The following PKP4 variants were observed in gnomAD, a reference collection of about 807,000 sequenced individuals.
The protein encoded by PKP4 is plakophilin 4.
PKP4 carries 90 observed loss-of-function variants against 145.1 expected under a neutral mutation model. The ratio of observed to expected loss-of-function variants is 0.62; its 90% CI spans 0.52 to 0.74. The LOEUF (loss-of-function observed/expected upper bound fraction) is 0.74. PKP4 is among the 30% of genes least tolerant of loss of function. The probability of loss-of-function intolerance (pLI) is 0.00; values close to 1 mark genes in which losing one functional copy is unlikely to be tolerated. For missense variants in PKP4, 1,340 were observed against 1,482.7 expected, an observed-to-expected ratio of 0.90 and a Z score of 1.58; for synonymous variants, 563 against 577.2, an observed-to-expected ratio of 0.98 and a Z score of 0.35.
At chr2:158,585,977 T>TG (rs1187951727) in intron 3 of PKP4, among the ~76,000 whole-genome samples, 1 of 151,936 alleles carries the variant, frequency 6.6e-6, no homozygotes, top group Non-Finnish European at 1.5e-5. Context: ...TCTGTATCTA[T>TG]GGATTTGCCT....
chr2:158,616,516 G>A (rs145990942), intron 4 of PKP4, among the ~76,000 whole-genome samples: 1 of 152,166 alleles, frequency 6.6e-6, no homozygotes, highest in African/African-American at 2.4e-5. Context: ...GGGTATGACA[G>A]CCTAACCTCA....
At chr2:158,582,128 A>C (rs2048380217) in intron 3 of PKP4, among the ~76,000 whole-genome samples, 1 of 152,176 alleles carries the variant, frequency 6.6e-6, no homozygotes, top group Non-Finnish European at 1.5e-5. Flanking sequence ...CATTTGTACC[A>C]AGTACACTAA....
chr2:158,604,832 A>G (rs2050521771), intron 4 of PKP4, among the ~76,000 whole-genome samples: 1 of 152,232 alleles, frequency 6.6e-6, no homozygotes, highest in Non-Finnish European at 1.5e-5. Flanking sequence ...AGGTCCATGC[A>G]TATTAATACT....
At chr2:158,481,754 A>C (rs1217048332) in intron 1 of PKP4, among the ~76,000 whole-genome samples, 3 of 152,210 alleles carry the variant, frequency 2.0e-5, no homozygotes, top group Non-Finnish European at 4.4e-5. Flanking sequence ...GTGCTATTAT[A>C]AGTACTATGA....
At chr2:158,458,446 C>A (rs1317732560) in intron 1 of PKP4, 1 of 152,306 alleles carries the variant, frequency 6.6e-6, no homozygotes. Flanking sequence ...AATTTGGGGC[C>A]GATGACTGTG....
intron 19 of PKP4, among the ~76,000 whole-genome samples, chr2:158,676,518 CTT>C (rs1559001264): frequency 6.6e-6 from 1 of 152,188 alleles, no homozygotes; most frequent in Admixed American, 6.5e-5. Context: ...CCGGTGTTGA[CTT>C]TGCTGATTTG....
intron 1 of PKP4, among the ~76,000 whole-genome samples, chr2:158,461,101 C>G (rs1487149756): frequency 6.6e-6 from 1 of 152,164 alleles, no homozygotes; most frequent in Non-Finnish European, 1.5e-5. Flanking sequence ...TAATCAGGCT[C>G]TAAGTTGCCA....
chr2:158,459,147 A>C (rs1159855077), intron 1 of PKP4, among the ~76,000 whole-genome samples: 1 of 152,210 alleles, frequency 6.6e-6, no homozygotes, highest in Non-Finnish European at 1.5e-5. Context: ...TCTTGAATGC[A>C]GTATATTGCT....
At chr2:158,583,488 A>G (rs532735736) in intron 3 of PKP4, among the ~76,000 whole-genome samples, 17 of 152,338 alleles carry the variant, frequency 1.1e-4, no homozygotes, top group African/African-American at 3.8e-4. Flanking sequence ...TCCTGAATCT[A>G]TCATTCAGAG....
intron 1 of PKP4, among the ~76,000 whole-genome samples, chr2:158,488,240 C>A (rs6759824): frequency 0.91 from 139,084 of 152,198 alleles, 63,604 homozygotes; most frequent in East Asian, 0.98. Flanking sequence ...AAAGTTTAAC[C>A]AGTATTTGTT....
At chr2:158,522,469 T>G (rs1175423439) in intron 1 of PKP4, among the ~76,000 whole-genome samples, 3 of 152,284 alleles carry the variant, frequency 2.0e-5, no homozygotes, top group African/African-American at 7.2e-5. Flanking sequence ...ACAATTATAC[T>G]GCCAGTTTCA....
Position 158,495,358 on chromosome 2 carries a change from A to G in PKP4, c.-5-37822A>G, listed in dbSNP as rs867977937. ...CAATTCTTCTGGAGAGTTAAAAAAA[A>G]AAAAAAACAACAAAGCCCAGAAAGT... On this transcript the variant is annotated intron_variant, in intron 1 of 21. Coordinates refer to ENST00000389759, the MANE Select transcript of PKP4 (RefSeq NM_003628.6). Among the ~76,000 whole-genome samples the G allele has an allele frequency of 6.6e-4, 97 of 147,294 alleles. 1 individual carries two copies. In the Middle Eastern group the frequency reaches 0.021, roughly 31 times the overall value.
At chr2:158,605,835 G>A (rs765404724) in intron 4 of PKP4, among the ~76,000 whole-genome samples, 1 of 152,044 alleles carries the variant, frequency 6.6e-6, no homozygotes, top group Non-Finnish European at 1.5e-5. Flanking sequence ...CTAATCTATT[G>A]TACTTTCTTT....
intron 2 of PKP4, among the ~76,000 whole-genome samples, chr2:158,559,157 G>A (rs1432436142): frequency 6.6e-6 from 1 of 152,190 alleles, no homozygotes; most frequent in African/African-American, 2.4e-5. Context: ...AGCAAAAATT[G>A]CCCAGTGAAG....
intron 2 of PKP4, among the ~76,000 whole-genome samples, chr2:158,539,986 A>G (rs1159380318): frequency 2.6e-5 from 4 of 152,134 alleles, no homozygotes; most frequent in Admixed American, 1.3e-4. Context: ...CAACAGGTTT[A>G]TTCAGTATTT....
At chr2:158,613,296 A>G (rs778112945) in intron 4 of PKP4, among the ~76,000 whole-genome samples, 1 of 152,226 alleles carries the variant, frequency 6.6e-6, no homozygotes, top group Non-Finnish European at 1.5e-5. Flanking sequence ...TGTCCTGTTC[A>G]TATTTCAGGA....
intron 2 of PKP4, among the ~76,000 whole-genome samples, chr2:158,543,407 A>G (rs2044692432): frequency 1.3e-5 from 2 of 152,204 alleles, no homozygotes; most frequent in African/African-American, 4.8e-5. Context: ...ACACAAGATC[A>G]AAATTAGGGG....
intron 1 of PKP4, among the ~76,000 whole-genome samples, chr2:158,527,840 A>G (rs113384631): frequency 0.89 from 10,297 of 11,540 alleles, 4,635 homozygotes; most frequent in East Asian, 0.97. Context: ...ATGAACAGAC[A>G]CTTCTCAAAA....
intron 1 of PKP4, among the ~76,000 whole-genome samples, chr2:158,501,455 G>T (rs1250995188): frequency 6.6e-6 from 1 of 152,166 alleles, no homozygotes; most frequent in Non-Finnish European, 1.5e-5. Flanking sequence ...GTGCTTTTGT[G>T]CATCTTCACA....
Sources: gnomAD v4.1 joint callset for allele counts (sites outside exome capture counted in the v4.1 genomes callset) on GRCh38, gnomAD v4.1.1 for gene constraint, MANE v1.5 for transcripts, NCBI Gene and HGNC (gene_info 2026-07-23, HGNC 2026-07-21) for gene names.